The following TEX36 variants were observed in gnomAD, a reference collection of about 807,000 sequenced individuals.
The protein encoded by TEX36 is testis-expressed protein 36.
A neutral mutation model predicts 13.6 loss-of-function variants in TEX36; 12 were observed. That is an observed-to-expected ratio of 0.88 (90% CI 0.56 to 1.43). The LOEUF is 1.43. Among genes scored for constraint, TEX36 ranks in the 40% most tolerant of loss-of-function variants. The pLI, the probability that TEX36 is intolerant of heterozygous loss-of-function variation, is 0.00. For synonymous variants in TEX36, 93 were observed against 83.0 expected, an observed-to-expected ratio of 1.12 and a Z score of -0.65; for missense variants, 224 against 228.3, an observed-to-expected ratio of 0.98 and a Z score of 0.12.
At chr10:125,607,687 A>G (rs769259092) in intron 3 of TEX36, among the ~76,000 whole-genome samples, 1 of 151,876 alleles carries the variant, frequency 6.6e-6, no homozygotes, top group Non-Finnish European at 1.5e-5. Context: ...AGGCCCTGGG[A>G]GCATAAGACC....
chr10:125,641,619 C>T (rs117408087), intron 3 of TEX36, among the ~76,000 whole-genome samples: 1,589 of 152,312 alleles, frequency 0.01, 12 homozygotes, highest in Middle Eastern at 0.034. Context: ...TGCATTAAAA[C>T]AGAAGAAATC....
At chr10:125,600,954 G>C (rs1846138562) in intron 3 of TEX36, among the ~76,000 whole-genome samples, 1 of 152,214 alleles carries the variant, frequency 6.6e-6, no homozygotes, top group Non-Finnish European at 1.5e-5. Flanking sequence ...TAGCAAGCAA[G>C]AGCAATTGCT....
exon 4 of TEX36, chr10:125,576,663 C>T (rs970116205): frequency 5.4e-6 from 8 of 1,489,364 alleles, no homozygotes; most frequent in African/African-American, 1.4e-5. Flanking sequence ...TAGGCTAAGA[C>T]AAAAGGTCCT....
At chr10:125,611,686 G>GT (rs573683075) in intron 3 of TEX36, among the ~76,000 whole-genome samples, 98 of 149,336 alleles carry the variant, frequency 6.6e-4, no homozygotes, top group African/African-American at 1.5e-3. Context: ...TGCATATGGT[G>GT]TTTTTTTTTC....
At chr10:125,655,645 G>A (rs1035097250), downstream of TEX36, 1 of 1,166,488 alleles carries the variant, frequency 8.6e-7, no homozygotes, top group South Asian at 3.7e-5. Context: ...ATTTCAAAAT[G>A]AAAATGTGAC....
rs7096216 is a variant in TEX36, at chr10:125,583,225, G to T, written c.265-6351C>A. Among the ~76,000 whole-genome samples, 1,260 of 151,840 alleles carry T rather than the reference G, an allele frequency of 8.3e-3. 18 individuals are homozygous for T. Among genetic ancestry groups the T allele is most frequent in the African/African-American group, 0.029 (1,219 of 41,378 alleles). Reference sequence around the variant, plus strand: ...CTAATTTGAACGGGTGGAGAGGAAGGCTGTCTTAGTTCATTTGTGCTGCCA... The same window carrying T: ...CTAATTTGAACGGGTGGAGAGGAAGTCTGTCTTAGTTCATTTGTGCTGCCA... On this transcript the variant is annotated intron_variant, in intron 3 of 3. Coordinates refer to the TEX36 transcript ENST00000532135.
chr10:125,613,538 T>G (rs1003462614), intron 3 of TEX36, among the ~76,000 whole-genome samples: 1 of 149,576 alleles, frequency 6.7e-6, no homozygotes. Context: ...GTGTTTGGTT[T>G]TTTGTTCTTG....
intron 3 of TEX36, among the ~76,000 whole-genome samples, chr10:125,584,291 G>T (rs1328820238): frequency 6.6e-6 from 1 of 152,252 alleles, no homozygotes; most frequent in East Asian, 1.9e-4. Flanking sequence ...TAAAATGGAT[G>T]TTGTTTGAAC....
chr10:125,655,990 A>T lies in TEX36; in HGVS notation c.471T>A (p.Leu157=). The change falls in exon 4 of 4, where the codon CTT becomes CTA. Residue 157 remains leucine (L), a synonymous_variant. Coordinates refer to ENST00000368821, the MANE Select transcript of TEX36 (RefSeq NM_001128202.3). The stretch of plus-strand genomic sequence containing the variant: ...AAACCTCTGTATAGCTTCTCTCAGG[A>T]AGAAATGTAAAAGCGTTCCATATCT... ...YKEIWNAFTF[L]PERSYTEVLK... The T allele has an allele frequency of 6.4e-7, 1 of 1,551,792 alleles. No individual in the cohort carries two copies. Among genetic ancestry groups the T allele is most frequent in the Non-Finnish European group, 8.7e-7 (1 of 1,146,994 alleles).
At chr10:125,596,840 A>G (rs1005456492) in intron 3 of TEX36, among the ~76,000 whole-genome samples, 1 of 152,252 alleles carries the variant, frequency 6.6e-6, no homozygotes, top group Non-Finnish European at 1.5e-5. Flanking sequence ...AATATAACAG[A>G]TAACCTGGGA....
chr10:125,648,079 G>A (rs953033610), intron 3 of TEX36, among the ~76,000 whole-genome samples: 6 of 152,210 alleles, frequency 3.9e-5, no homozygotes, highest in African/African-American at 1.4e-4. Context: ...TCTGGGGGCA[G>A]GGCATAGCCA....
intron 3 of TEX36, among the ~76,000 whole-genome samples, chr10:125,590,019 T>C (rs931185495): frequency 5.3e-5 from 8 of 152,354 alleles, no homozygotes; most frequent in African/African-American, 1.9e-4. Flanking sequence ...ACTACAATCA[T>C]GTGTCTGCAA....
At chr10:125,667,403 A>G in intron 1 of TEX36, 1 of 660,238 alleles carries the variant, frequency 1.5e-6, no homozygotes, top group South Asian at 1.4e-5. Flanking sequence ...AATGGGCACA[A>G]TGCCACTCTG....
chr10:125,603,095 C>G (rs993848306), intron 3 of TEX36, among the ~76,000 whole-genome samples: 2 of 152,178 alleles, frequency 1.3e-5, no homozygotes, highest in African/African-American at 4.8e-5. Context: ...GAAAGAGACT[C>G]GGACCATTTT....
intron 3 of TEX36, among the ~76,000 whole-genome samples, chr10:125,623,872 T>C (rs1169699160): frequency 6.6e-6 from 1 of 152,260 alleles, no homozygotes; most frequent in Non-Finnish European, 1.5e-5. Flanking sequence ...ATCAGTCGCC[T>C]CTTTGTTTTA....
intron 3 of TEX36, among the ~76,000 whole-genome samples, chr10:125,588,593 GT>G (rs567616496): frequency 0.14 from 3,432 of 24,810 alleles, 53 homozygotes; most frequent in Admixed American, 0.16. Flanking sequence ...CAGGCTCTTG[GT>G]TTGTTTGTTT....
chr10:125,576,621 T>G, exon 4 of TEX36: 1 of 1,270,410 alleles, frequency 7.9e-7, no homozygotes, highest in Non-Finnish European at 1.1e-6. Flanking sequence ...TTTCCAAGAA[T>G]GCTGAATAAA....
chr10:125,648,796 A>G (rs1386636894), intron 3 of TEX36, among the ~76,000 whole-genome samples: 3 of 152,336 alleles, frequency 2.0e-5, no homozygotes, highest in Non-Finnish European at 4.4e-5. Flanking sequence ...GATTTAATAA[A>G]CAGAGTAGAG....
At chr10:125,600,393 A>G (rs1846130905) in intron 3 of TEX36, among the ~76,000 whole-genome samples, 1 of 152,028 alleles carries the variant, frequency 6.6e-6, no homozygotes, top group African/African-American at 2.4e-5. Context: ...ATGTCACTAG[A>G]TGGGAGTGAT....
Sources: gnomAD v4.1 joint callset for allele counts (sites outside exome capture counted in the v4.1 genomes callset) on GRCh38, gnomAD v4.1.1 for gene constraint, MANE v1.5 for transcripts, NCBI Gene and HGNC (gene_info 2026-07-23, HGNC 2026-07-21) for gene names.